AGAP1: variants seen among roughly 807,000 people sequenced by gnomAD.
AGAP1 encodes the protein ArfGAP with GTPase domain, ankyrin repeat and PH domain 1, also known as arf-GAP with GTPase, ANK repeat and PH domain-containing protein 1.
In AGAP1, 29 loss-of-function variants were observed where a neutral mutation model predicts 105.3. That is an observed-to-expected ratio of 0.28 (90% CI 0.21 to 0.38). The LOEUF (loss-of-function observed/expected upper bound fraction) is 0.38. Ranked by LOEUF, AGAP1 falls within the 10% of genes least tolerant of loss-of-function variation. The pLI is 1.00. For synonymous variants in AGAP1, 509 were observed against 485.9 expected, an observed-to-expected ratio of 1.05 and a Z score of -0.63; for missense variants, 998 against 1,165.1, an observed-to-expected ratio of 0.86 and a Z score of 2.09.
chr2:235,918,491 C>T (rs1487897038), intron 11 of AGAP1, among the ~76,000 whole-genome samples: 1 of 152,196 alleles, frequency 6.6e-6, no homozygotes, highest in African/African-American at 2.4e-5. Flanking sequence ...AGAATTGCAG[C>T]ATCTTCAGCT....
intron 5 of AGAP1, among the ~76,000 whole-genome samples, chr2:235,746,128 A>G (rs1952910248): frequency 1.3e-5 from 2 of 151,450 alleles, no homozygotes; most frequent in Admixed American, 6.6e-5. Flanking sequence ...TCTGTCTCAA[A>G]AAAATAAAAA....
intron 16 of AGAP1, among the ~76,000 whole-genome samples, chr2:236,084,820 C>T (rs975203328): frequency 6.6e-6 from 1 of 151,978 alleles, no homozygotes; most frequent in Non-Finnish European, 1.5e-5. Flanking sequence ...GGGAGAATCA[C>T]TTGAACCCGG....
rs908978088 is a variant in AGAP1, at chr2:236,090,459, T to C, written c.2115-29733T>C. Among the ~76,000 whole-genome samples the C allele has an allele frequency of 2.6e-5, 4 of 152,196 alleles. No individual in the cohort carries two copies. The highest frequency in any genetic ancestry group is 9.7e-5 in the African/African-American group (4 of 41,446). On this transcript the variant is annotated intron_variant, in intron 16 of 17. Coordinates refer to ENST00000304032, the MANE Select transcript of AGAP1 (RefSeq NM_001037131.3). This position sits in a 1 kb window ranked among gnomAD's most constrained non-coding sequence, Gnocchi z 4.3. ...ACAGATTAGAGGCATTTTATCTTTT[T>C]AAATAATTTCCAAATGTGCCCCAAA...
rs1041766163 is a variant in AGAP1 at position 235,700,285 on chromosome 2, A to G, written c.164-8894A>G. On this transcript the variant is annotated intron_variant, in intron 1 of 17. Transcript: ENST00000304032. The surrounding 1 kb of genome is among the most constrained non-coding windows in gnomAD (Gnocchi z 6.1). Reference sequence around the variant, plus strand: ...GCAGGAGAGCTGTGCTCCACTCCTCAAGGCTGTAGGTGGGCCTCTGTTTTC... The same window carrying G: ...GCAGGAGAGCTGTGCTCCACTCCTCGAGGCTGTAGGTGGGCCTCTGTTTTC... Among the ~76,000 whole-genome samples the G allele has an allele frequency of 6.6e-6, 1 of 152,148 alleles. No individual in the cohort carries two copies. Among genetic ancestry groups the G allele is most frequent in the African/African-American group, 2.4e-5 (1 of 41,442 alleles).
At chr2:235,938,829 G>A (rs2053113573) in intron 12 of AGAP1, among the ~76,000 whole-genome samples, 1 of 152,084 alleles carries the variant, frequency 6.6e-6, no homozygotes, top group African/African-American at 2.4e-5. Flanking sequence ...TGAAAACCTG[G>A]GAGGGCCGGA....
chr2:235,933,017 T>A (rs1164200936), intron 12 of AGAP1, among the ~76,000 whole-genome samples: 1 of 152,146 alleles, frequency 6.6e-6, no homozygotes, highest in Non-Finnish European at 1.5e-5. Flanking sequence ...ACCTCGTAAA[T>A]CTTGAACCCT....
intron 13 of AGAP1, among the ~76,000 whole-genome samples, chr2:235,999,217 T>C (rs962412971): frequency 4.7e-5 from 7 of 148,300 alleles, no homozygotes; most frequent in South Asian, 2.2e-4. Context: ...CAATATGGTA[T>C]GGTGGTGATG....
In AGAP1 at chr2:235,737,690, C is replaced by T. The variant is rs1486073546; in HGVS notation, c.311-3273C>T. Among the ~76,000 whole-genome samples the T allele has an allele frequency of 9.9e-5, 15 of 152,142 alleles. No individual in the cohort carries two copies. The highest frequency in any genetic ancestry group is 6.5e-5 in the Admixed American group (1 of 15,282). The stretch of plus-strand genomic sequence containing the variant: ...GACATGCAACAGGGAGGGTCATCTG[C>T]CAGGGCGTCACGGTCATTCCACGAG... On this transcript the variant is annotated intron_variant, in intron 3 of 17. Coordinates refer to ENST00000304032, the MANE Select transcript of AGAP1 (RefSeq NM_001037131.3). This position sits in a 1 kb window ranked among gnomAD's most constrained non-coding sequence, Gnocchi z 4.5.
intron 9 of AGAP1, among the ~76,000 whole-genome samples, chr2:235,839,126 G>A (rs949256634): frequency 6.6e-6 from 1 of 152,136 alleles, no homozygotes; most frequent in African/African-American, 2.4e-5. Context: ...CTCTCCCCAG[G>A]GGCCTGAGTC....
Position 236,084,562 on chromosome 2 carries a change from A to T in AGAP1, c.2114+35281A>T, listed in dbSNP as rs1342639692. 3.3e-5 allele frequency among the ~76,000 whole-genome samples: 5 copies of T among 152,346 alleles called. No homozygotes were observed. In the East Asian group the frequency reaches 9.7e-4, roughly 29 times the overall value. On this transcript the variant is annotated intron_variant, in intron 16 of 17. Coordinates refer to ENST00000304032, the MANE Select transcript of AGAP1 (RefSeq NM_001037131.3). ...ACCTCTGTTTGGATATAAATCATTG[A>T]AACCTTGAAACAAATCTGTCATTCT...
At chr2:235,521,025 G>C (rs758539193) in intron 1 of AGAP1, among the ~76,000 whole-genome samples, 2 of 152,152 alleles carry the variant, frequency 1.3e-5, no homozygotes, top group African/African-American at 2.4e-5. Flanking sequence ...GTGGTACATT[G>C]GTCATCTCTC....
At chr2:235,651,781 G>A (rs1441279279) in intron 1 of AGAP1, among the ~76,000 whole-genome samples, 2 of 152,132 alleles carry the variant, frequency 1.3e-5, no homozygotes, top group African/African-American at 2.4e-5. Flanking sequence ...TGTGCTTCTA[G>A]GAATCTAAGC....
chr2:235,645,560 C>T (rs1476089750), intron 1 of AGAP1, among the ~76,000 whole-genome samples: 1 of 152,140 alleles, frequency 6.6e-6, no homozygotes, highest in African/African-American at 2.4e-5. Context: ...TCCAGGGCCA[C>T]CGTGAAAGAA....
chr2:235,948,987 A>T (rs1184390381), intron 12 of AGAP1, among the ~76,000 whole-genome samples: 1 of 152,200 alleles, frequency 6.6e-6, no homozygotes, highest in African/African-American at 2.4e-5. Context: ...CACAACTTAC[A>T]GTTTAGTTAG....
Position 235,722,906 on chromosome 2 carries a change from T to TA in AGAP1, c.310+5262_310+5263insA, listed in dbSNP as rs570379301. ...GCAAATGAGCTAAAAAAAAAAAAAATTATACACACACTAAAAACTCATGTG... is the reference window on the plus strand; with the variant it reads ...GCAAATGAGCTAAAAAAAAAAAAAATATATACACACACTAAAAACTCATGTG... On this transcript the variant is annotated intron_variant, in intron 3 of 17. Coordinates refer to ENST00000304032, the MANE Select transcript of AGAP1 (RefSeq NM_001037131.3). Among the ~76,000 whole-genome samples the TA allele has an allele frequency of 8.7e-4, 129 of 148,802 alleles. 3 individuals are homozygous for TA. In the East Asian group the frequency reaches 0.021, roughly 25 times the overall value.
intron 6 of AGAP1, among the ~76,000 whole-genome samples, chr2:235,773,457 G>A (rs529829170): frequency 6.6e-6 from 1 of 152,216 alleles, no homozygotes; most frequent in East Asian, 1.9e-4. Context: ...AAGCAACCAG[G>A]TGGAGGCACT....
intron 14 of AGAP1, among the ~76,000 whole-genome samples, chr2:236,037,594 G>A (rs2057421212): frequency 6.6e-6 from 1 of 152,064 alleles, no homozygotes; most frequent in African/African-American, 2.4e-5. Flanking sequence ...TATTTGTGGA[G>A]GTGGGGTTTC....
rs1327455985 is a variant in AGAP1, at chr2:236,048,937, C to T, written c.1892-122C>T. On this transcript the variant is annotated intron_variant, in intron 15 of 17. Transcript: ENST00000304032. Reference sequence around the variant, plus strand: ...GCACTGGCTAGGGAGCATTTTTTCTCGCCATGGATGTGGTTCTGTCGTTGT... The same window carrying T: ...GCACTGGCTAGGGAGCATTTTTTCTTGCCATGGATGTGGTTCTGTCGTTGT... 154 of 929,740 alleles carry T rather than the reference C, an allele frequency of 1.7e-4. No homozygotes were observed. In the South Asian group the frequency reaches 1.8e-3, roughly 11 times the overall value. The allele number at this position is 929,740 out of a possible 1,614,324, so 57.6% of individuals were successfully genotyped here.
chr2:235,570,493 T>G (rs954398923), intron 1 of AGAP1, among the ~76,000 whole-genome samples: 3 of 152,224 alleles, frequency 2.0e-5, no homozygotes, highest in Non-Finnish European at 4.4e-5. Flanking sequence ...TCCCTTTTAA[T>G]GTGGGAAGCA....
Sources: allele counts gnomAD v4.1 joint callset (sites outside exome capture counted in the v4.1 genomes callset), GRCh38; gene constraint gnomAD v4.1.1; non-coding constraint Gnocchi (gnomAD v3.1); transcripts MANE v1.5; gene names NCBI Gene and HGNC (gene_info 2026-07-23, HGNC 2026-07-21).